CIMAP2: variants seen among roughly 807,000 people sequenced by gnomAD.
The protein encoded by CIMAP2 is ciliary microtubule-associated protein 2.
the CIMAP2 span, among the ~76,000 whole-genome samples, chr1:54,839,566 C>T: frequency 1.3e-5 from 2 of 151,732 alleles, no homozygotes; most frequent in Non-Finnish European, 2.9e-5. Flanking sequence ...GTAGTAGAGA[C>T]AGGGTTTCGC....
the CIMAP2 span, among the ~76,000 whole-genome samples, chr1:54,831,123 G>T: frequency 6.6e-6 from 1 of 151,986 alleles, no homozygotes; most frequent in African/African-American, 2.4e-5. Flanking sequence ...AGACAATCAG[G>T]CATATTTCAT....
chr1:54,811,765 G>GCGGGGGGGGGGGGCGCCCCCCCCCC, the CIMAP2 span: 1 of 1,301,330 alleles, frequency 7.7e-7, no homozygotes, highest in Non-Finnish European at 1.1e-6. Context: ...GGTTCTGACA[G>GCGGGGGGGGGGGGCGCCCCCCCCCC]CCTCCATGCC....
At chr1:54,816,932 G>A in the CIMAP2 span, 21 of 1,603,564 alleles carry the variant, frequency 1.3e-5, no homozygotes, top group African/African-American at 1.5e-4. Flanking sequence ...AGAGGAAGCC[G>A]AGACACAGTC....
the CIMAP2 span, chr1:54,817,010 T>C: frequency 1.2e-6 from 2 of 1,614,194 alleles, no homozygotes; most frequent in Non-Finnish European, 1.7e-6. Context: ...TGTGGGCCGC[T>C]ACCTCAACAC....
At chr1:54,811,772 T>TA in the CIMAP2 span, 1 of 454,864 alleles carries the variant, frequency 2.2e-6, no homozygotes, top group Admixed American at 2.9e-5. Context: ...ACAGCCTCCA[T>TA]GCCCCCACCC....
the CIMAP2 span, chr1:54,812,217 A>C: frequency 6.2e-7 from 1 of 1,613,106 alleles, no homozygotes; most frequent in Non-Finnish European, 8.5e-7. Context: ...GAAGGGTGTT[A>C]GTCCATGCCC....
chr1:54,833,989 C>T, the CIMAP2 span, among the ~76,000 whole-genome samples: 1 of 152,182 alleles, frequency 6.6e-6, no homozygotes, highest in Non-Finnish European at 1.5e-5. Context: ...AGGCGTGCAT[C>T]ACCACAGCCG....
the CIMAP2 span, chr1:54,812,052 G>A: frequency 6.2e-7 from 1 of 1,614,170 alleles, no homozygotes; most frequent in Non-Finnish European, 8.5e-7. Context: ...CTAGGGGAGT[G>A]GTCTGGGACC....
the CIMAP2 span, chr1:54,816,992 C>G: frequency 6.2e-7 from 1 of 1,614,110 alleles, no homozygotes; most frequent in East Asian, 2.2e-5. Flanking sequence ...GTTGCAGAAC[C>G]CAGTAGGTGT....
At chr1:54,819,182 G>T in the CIMAP2 span, among the ~76,000 whole-genome samples, 1 of 152,130 alleles carries the variant, frequency 6.6e-6, no homozygotes, top group African/African-American at 2.4e-5. Flanking sequence ...CTGGGTGGGG[G>T]TAAGTGTGGT....
chr1:54,811,766 C>CCGGGGGGCG, the CIMAP2 span: 1 of 1,305,188 alleles, frequency 7.7e-7, no homozygotes, highest in Non-Finnish European at 1.1e-6. Flanking sequence ...GTTCTGACAG[C>CCGGGGGGCG]CTCCATGCCC....
At chr1:54,828,036 A>C in the CIMAP2 span, among the ~76,000 whole-genome samples, 1 of 152,322 alleles carries the variant, frequency 6.6e-6, no homozygotes, top group South Asian at 2.1e-4. Context: ...AGTCAAGAAC[A>C]AGATAGGGAT....
At chr1:54,814,654 G>C in the CIMAP2 span, among the ~76,000 whole-genome samples, 2 of 152,248 alleles carry the variant, frequency 1.3e-5, no homozygotes, top group Non-Finnish European at 2.9e-5. Context: ...GTCTTCAGCT[G>C]TCTGGGCCCC....
chr1:54,833,813 T>C, the CIMAP2 span, among the ~76,000 whole-genome samples: 1 of 152,064 alleles, frequency 6.6e-6, no homozygotes, highest in Admixed American at 6.6e-5. Context: ...TTCCCCACAT[T>C]GTGACATTGG....
chr1:54,814,545 G>A, the CIMAP2 span, among the ~76,000 whole-genome samples: 3 of 152,346 alleles, frequency 2.0e-5, no homozygotes, highest in Admixed American at 6.5e-5. Context: ...TCTGGAAAGG[G>A]ATTTACCAAG....
chr1:54,817,498 C>T, the CIMAP2 span, among the ~76,000 whole-genome samples: 5 of 152,162 alleles, frequency 3.3e-5, no homozygotes, highest in Non-Finnish European at 5.9e-5. Context: ...GGCTTCACCA[C>T]GTGGAATCTG....
At chr1:54,811,765 G>GCCGGGGGGGGGCGGGCCCC in the CIMAP2 span, 1 of 1,301,332 alleles carries the variant, frequency 7.7e-7, no homozygotes, top group Non-Finnish European at 1.1e-6. Flanking sequence ...GGTTCTGACA[G>GCCGGGGGGGGGCGGGCCCC]CCTCCATGCC....
chr1:54,811,765 G>GCCGGGGGGGGGCGGGCCCCCCCCCC, the CIMAP2 span: 1 of 1,301,328 alleles, frequency 7.7e-7, no homozygotes, highest in Non-Finnish European at 1.1e-6. Flanking sequence ...GGTTCTGACA[G>GCCGGGGGGGGGCGGGCCCCCCCCCC]CCTCCATGCC....
the CIMAP2 span, chr1:54,812,126 C>G: frequency 6.2e-7 from 1 of 1,614,132 alleles, no homozygotes; most frequent in Non-Finnish European, 8.5e-7. Flanking sequence ...GCACCCGCGG[C>G]CCCTATGACA....
Sources: allele counts gnomAD v4.1 joint callset (sites outside exome capture counted in the v4.1 genomes callset), GRCh38; gene constraint gnomAD v4.1.1; transcripts MANE v1.5; gene names NCBI Gene and HGNC (gene_info 2026-07-23, HGNC 2026-07-21).